EPHA6: variants seen among roughly 807,000 people sequenced by gnomAD.
The protein encoded by EPHA6 is ephrin type-A receptor 6.
A neutral mutation model predicts 112.0 loss-of-function variants in EPHA6; 50 were observed. That is an observed-to-expected ratio of 0.45 (90% CI 0.36 to 0.56). The LOEUF is 0.56. Among genes scored for constraint, EPHA6 ranks in the 20% least tolerant of loss-of-function variants. The pLI is 0.00. For synonymous variants in EPHA6, 529 were observed against 490.7 expected, an observed-to-expected ratio of 1.08 and a Z score of -1.03; for missense variants, 1,280 against 1,417.4, an observed-to-expected ratio of 0.90 and a Z score of 1.56.
At chr3:96,942,507 C>T (rs975579282) in intron 2 of EPHA6, among the ~76,000 whole-genome samples, 6 of 152,194 alleles carry the variant, frequency 3.9e-5, no homozygotes, top group African/African-American at 7.2e-5. Context: ...TTCCAGGTGC[C>T]GTCTGTCACC....
chr3:97,265,014 G>T (rs553904988), intron 5 of EPHA6, among the ~76,000 whole-genome samples: 1 of 152,310 alleles, frequency 6.6e-6, no homozygotes, highest in South Asian at 2.1e-4. Flanking sequence ...GCTCCTCTTT[G>T]CAGCTGGTCA....
At chr3:97,682,269 A>ATGATGGTT (rs2031916460) in intron 14 of EPHA6, among the ~76,000 whole-genome samples, 4 of 152,112 alleles carry the variant, frequency 2.6e-5, no homozygotes, top group African/African-American at 9.7e-5. Flanking sequence ...TGTGATGAAA[A>ATGATGGTT]CCATCATGTC....
intron 10 of EPHA6, among the ~76,000 whole-genome samples, chr3:97,532,008 T>G (rs1004968490): frequency 6.6e-6 from 1 of 152,064 alleles, no homozygotes; most frequent in African/African-American, 2.4e-5. Flanking sequence ...TGGGCCATAT[T>G]TCAGCATTGA....
At chr3:97,466,587 G>A (rs2091063390) in intron 7 of EPHA6, 2 of 684,956 alleles carry the variant, frequency 2.9e-6, no homozygotes, top group Middle Eastern at 2.5e-4. Context: ...CTTCTCTGAT[G>A]GGTTTGTCTT....
At chr3:97,212,944 C>A (rs887212385) in intron 3 of EPHA6, among the ~76,000 whole-genome samples, 1 of 152,152 alleles carries the variant, frequency 6.6e-6, no homozygotes, top group Non-Finnish European at 1.5e-5. Context: ...TATATGATTT[C>A]TATGTTGATG....
At chr3:97,161,286 G>C (rs754642100) in intron 3 of EPHA6, among the ~76,000 whole-genome samples, 2 of 152,100 alleles carry the variant, frequency 1.3e-5, no homozygotes, top group Non-Finnish European at 2.9e-5. Context: ...ATGATGCAAT[G>C]GTTTTGCTCT....
intron 5 of EPHA6, among the ~76,000 whole-genome samples, chr3:97,327,590 C>G (rs1387680319): frequency 6.6e-6 from 1 of 151,728 alleles, no homozygotes; most frequent in Non-Finnish European, 1.5e-5. Flanking sequence ...CAAAGATCCC[C>G]CCACGTTGCT....
At chr3:97,083,380 A>G (rs959502131) in intron 3 of EPHA6, among the ~76,000 whole-genome samples, 1 of 151,978 alleles carries the variant, frequency 6.6e-6, no homozygotes, top group African/African-American at 2.4e-5. Flanking sequence ...ATTGAAGATT[A>G]TTGACCATTC....
At chr3:97,614,709 A>G (rs548976233) in intron 13 of EPHA6, among the ~76,000 whole-genome samples, 1 of 152,052 alleles carries the variant, frequency 6.6e-6, no homozygotes, top group Non-Finnish European at 1.5e-5. Flanking sequence ...GGGGTCATCT[A>G]TAAACCAAAA....
intron 16 of EPHA6, among the ~76,000 whole-genome samples, chr3:97,740,085 C>T (rs891507720): frequency 7.9e-5 from 12 of 152,002 alleles, no homozygotes; most frequent in Non-Finnish European, 1.5e-4. Context: ...CTGCTCCCAA[C>T]CCCAAGTATT....
At chr3:97,515,184 A>G (rs1460468457) in intron 10 of EPHA6, among the ~76,000 whole-genome samples, 1 of 152,214 alleles carries the variant, frequency 6.6e-6, no homozygotes, top group African/African-American at 2.4e-5. Flanking sequence ...CTACTATCCA[A>G]TTCTCCAAAT....
At chr3:97,003,196 C>T (rs902954547) in intron 3 of EPHA6, among the ~76,000 whole-genome samples, 3 of 152,176 alleles carry the variant, frequency 2.0e-5, no homozygotes, top group Non-Finnish European at 4.4e-5. Context: ...CAACCTCTGC[C>T]TCCTGGGTTC....
chr3:97,298,246 A>C (rs914311754), intron 5 of EPHA6, among the ~76,000 whole-genome samples: 4 of 152,224 alleles, frequency 2.6e-5, no homozygotes, highest in African/African-American at 9.6e-5. Context: ...TGGGAATTTC[A>C]AACCTAGAGA....
At chr3:96,924,881 T>C (rs549793161) in intron 2 of EPHA6, among the ~76,000 whole-genome samples, 19 of 152,218 alleles carry the variant, frequency 1.2e-4, no homozygotes, top group Non-Finnish European at 2.2e-4. Context: ...TTTCTGCATC[T>C]ATTGAGATAA....
intron 3 of EPHA6, among the ~76,000 whole-genome samples, chr3:97,043,534 T>C (rs1382807802): frequency 1.3e-5 from 2 of 152,118 alleles, no homozygotes; most frequent in Non-Finnish European, 2.9e-5. Context: ...TAACGGATCT[T>C]GTACCAAACT....
chr3:96,999,244 T>G, intron 3 of EPHA6, among the ~76,000 whole-genome samples: 1 of 151,886 alleles, frequency 6.6e-6, no homozygotes, highest in East Asian at 1.9e-4. Context: ...TTTGAAAAGT[T>G]TGTGATTATA....
chr3:96,904,325 GA>G (rs2038798638), intron 2 of EPHA6, among the ~76,000 whole-genome samples: 2 of 151,704 alleles, frequency 1.3e-5, no homozygotes, highest in Admixed American at 1.3e-4. Flanking sequence ...GATGAAGCTG[GA>G]AACCATCATT....
intron 3 of EPHA6, among the ~76,000 whole-genome samples, chr3:97,079,619 A>G (rs948616566): frequency 2.0e-5 from 3 of 151,820 alleles, no homozygotes; most frequent in Admixed American, 6.6e-5. Context: ...AAAAAAAAAA[A>G]AAAAGCAACC....
intron 2 of EPHA6, among the ~76,000 whole-genome samples, chr3:96,970,238 TACACACACACACAC>T (rs370673260): frequency 8.3e-5 from 12 of 144,000 alleles, no homozygotes; most frequent in Non-Finnish European, 1.1e-4. Flanking sequence ...TGCCTCTTCA[TACACACACACACAC>T]ACACACACAC....
Sources: gnomAD v4.1 joint callset for allele counts (sites outside exome capture counted in the v4.1 genomes callset) on GRCh38, gnomAD v4.1.1 for gene constraint, MANE v1.5 for transcripts, NCBI Gene and HGNC (gene_info 2026-07-23, HGNC 2026-07-21) for gene names.